Variants in DSE observed in about 807,000 individuals in gnomAD.
The protein encoded by DSE is dermatan sulfate epimerase.
DSE carries 36 observed loss-of-function variants against 84.4 expected under a neutral mutation model. The ratio of observed to expected loss-of-function variants is 0.43; its 90% CI spans 0.33 to 0.56. The LOEUF (loss-of-function observed/expected upper bound fraction) is 0.56. Among genes scored for constraint, DSE ranks in the 20% least tolerant of loss-of-function variants. The pLI is 0.06. For missense variants in DSE, 862 were observed against 1,169.6 expected (o/e 0.74, Z 3.84); for synonymous variants, 410 against 430.1 (o/e 0.95, Z 0.58).
intron 2 of DSE, among the ~76,000 whole-genome samples, chr6:116,339,064 T>A (rs1777435210): frequency 6.6e-6 from 1 of 151,052 alleles, no homozygotes. Context: ...GTTCAACAGA[T>A]AAATGAGTTG....
intron 2 of DSE, chr6:116,355,899 A>C (rs1778542467): frequency 6.6e-6 from 1 of 152,228 alleles, no homozygotes; most frequent in Admixed American, 6.5e-5. Context: ...AGCCTTCAAT[A>C]ACAAGACAAT....
At chr6:116,294,227 T>G (rs1774506868) in intron 2 of DSE, among the ~76,000 whole-genome samples, 1 of 151,898 alleles carries the variant, frequency 6.6e-6, no homozygotes, top group Non-Finnish European at 1.5e-5. Context: ...CTTGCTATGC[T>G]GCCCAGGCTG....
chr6:116,363,120 T>G (rs1233637051), intron 2 of DSE, among the ~76,000 whole-genome samples: 1 of 152,200 alleles, frequency 6.6e-6, no homozygotes, highest in Non-Finnish European at 1.5e-5. Flanking sequence ...TCATTTAAAG[T>G]AACTTTTCCA....
At chr6:116,338,010 G>A (rs1777350733) in intron 2 of DSE, among the ~76,000 whole-genome samples, 1 of 152,022 alleles carries the variant, frequency 6.6e-6, no homozygotes, top group Admixed American at 6.6e-5. Context: ...GAAATTTGCA[G>A]TTACCTTGAT....
At chr6:116,301,467 C>G (rs1469226324) in intron 2 of DSE, among the ~76,000 whole-genome samples, 1 of 152,092 alleles carries the variant, frequency 6.6e-6, no homozygotes, top group Non-Finnish European at 1.5e-5. Flanking sequence ...GTGTATGTGT[C>G]TTAAGAGGGA....
chr6:116,346,720 C>T (rs1294461954), intron 2 of DSE, among the ~76,000 whole-genome samples: 2 of 152,062 alleles, frequency 1.3e-5, no homozygotes, highest in African/African-American at 2.4e-5. Context: ...AAGACAGAGA[C>T]GCCCTCTCTT....
At position 116,385,937 on chromosome 6, in the gene DSE, A is replaced by G. The variant is rs149339873; in HGVS notation, c.-53-13261A>G. ...TGTGTAGTAATAAAAGCACCACTCCATATATACTCATCCAATATATACAAT... is the reference window on the plus strand; with the variant it reads ...TGTGTAGTAATAAAAGCACCACTCCGTATATACTCATCCAATATATACAAT... On this transcript the variant is annotated intron_variant, in intron 1 of 5. Transcript: ENST00000644252. Among the ~76,000 whole-genome samples, 780 of 152,326 alleles carry G rather than the reference A, an allele frequency of 5.1e-3. 5 individuals are homozygous for G. Among genetic ancestry groups the G allele is most frequent in the African/African-American group, 0.018 (732 of 41,572 alleles).
At chr6:116,397,144 T>C (rs1781300398) in intron 1 of DSE, among the ~76,000 whole-genome samples, 1 of 152,074 alleles carries the variant, frequency 6.6e-6, no homozygotes, top group African/African-American at 2.4e-5. Flanking sequence ...ACTTAGACTT[T>C]TAGGGACTTA....
At chr6:116,427,901 A>G (rs1371484116) in intron 3 of DSE, among the ~76,000 whole-genome samples, 1 of 152,194 alleles carries the variant, frequency 6.6e-6, no homozygotes, top group Non-Finnish European at 1.5e-5. Context: ...GAAAATTAAA[A>G]CATCAGGTCA....
chr6:116,370,776 T>A (rs995420725), upstream of DSE: 1 of 955,782 alleles, frequency 1.0e-6, no homozygotes, highest in African/African-American at 1.8e-5. Flanking sequence ...GGGCCTGCGG[T>A]CGGGGTTCGG....
chr6:116,404,188 G>A (rs1781774827), intron 2 of DSE, among the ~76,000 whole-genome samples: 1 of 152,110 alleles, frequency 6.6e-6, no homozygotes. Flanking sequence ...AATTCTTAGT[G>A]ATTTTCCGGA....
rs76887354 is a variant in DSE, at chr6:116,418,604, C to T, written c.417-7970C>T. Among the ~76,000 whole-genome samples, 1,404 of 152,296 alleles carry T rather than the reference C, an allele frequency of 9.2e-3. 23 individuals carry two copies. The highest frequency in any genetic ancestry group is 0.067 in the South Asian group (324 of 4,826). On this transcript the variant is annotated intron_variant, in intron 2 of 5. Transcript: ENST00000644252. ...GTGCCCCTTTTCTCAGATCTCATGC[C>T]TTGCTCTGTCTTGCTGTCATGAAAA...
At chr6:116,431,308 TTAAA>T (rs1783825327) in intron 4 of DSE, 115 bp downstream of exon 4, 16 of 1,368,228 alleles carry the variant, frequency 1.2e-5, no homozygotes, top group East Asian at 2.5e-5. Context: ...CATATTGAAA[TTAAA>T]TAGATTTTTT....
chr6:116,307,783 G>A (rs11153609), intron 2 of DSE, among the ~76,000 whole-genome samples: 34,588 of 152,186 alleles, frequency 0.23, 5,368 homozygotes, highest in East Asian at 0.64. Flanking sequence ...GGAAAGAAGT[G>A]TGTACAAGAT....
intron 2 of DSE, among the ~76,000 whole-genome samples, chr6:116,406,303 C>T (rs1781927111): frequency 6.6e-6 from 1 of 152,118 alleles, no homozygotes; most frequent in African/African-American, 2.4e-5. Context: ...AATCAGTGCC[C>T]CTCACCCCAT....
chr6:116,376,241 G>A (rs1779920700), intron 1 of DSE, among the ~76,000 whole-genome samples: 1 of 152,142 alleles, frequency 6.6e-6, no homozygotes, highest in African/African-American at 2.4e-5. Context: ...CCATTGTGGG[G>A]CCACTTCTAA....
chr6:116,439,827 A>G lies in DSE; in HGVS notation c.*2482A>G, dbSNP rs9488931. 0.27 allele frequency: 41,097 copies of G among 152,112 alleles called. 5,731 individuals carry two copies. Among genetic ancestry groups the G allele is most frequent in the African/African-American group, 0.32 (13,299 of 41,462 alleles). The allele number at this position is 152,112 out of a possible 1,614,324, so 9.4% of individuals were successfully genotyped here. A position where few individuals can be genotyped will look rare whatever the true frequency, so the allele number is the denominator to read the frequency against. ...AGCTTGTCAGTGCAGTAAAAGTGGTATATTCCTGGGAAGCTGAGGTGGGAG... is the reference window on the plus strand; with the variant it reads ...AGCTTGTCAGTGCAGTAAAAGTGGTGTATTCCTGGGAAGCTGAGGTGGGAG... On this transcript the variant is annotated 3_prime_UTR_variant, in exon 6 of 6. Coordinates refer to ENST00000644252, the MANE Select transcript of DSE (RefSeq NM_013352.4).
chr6:116,297,200 A>C (rs1052620386), intron 2 of DSE, among the ~76,000 whole-genome samples: 2 of 152,122 alleles, frequency 1.3e-5, no homozygotes, highest in African/African-American at 4.8e-5. Context: ...CCTAGGAGCC[A>C]TCCTTAGCCA....
intron 1 of DSE, among the ~76,000 whole-genome samples, chr6:116,380,394 G>A (rs1780153034): frequency 6.6e-6 from 1 of 152,066 alleles, no homozygotes; most frequent in Non-Finnish European, 1.5e-5. Flanking sequence ...GTGCCGAATG[G>A]ACATAAATGC....
Sources: allele counts gnomAD v4.1 joint callset (sites outside exome capture counted in the v4.1 genomes callset), GRCh38; gene constraint gnomAD v4.1.1; transcripts MANE v1.5; gene names NCBI Gene and HGNC (gene_info 2026-07-23, HGNC 2026-07-21).